Variants in DLGAP1 observed in about 807,000 individuals in gnomAD.
DLGAP1 encodes the protein disks large-associated protein 1.
Under a neutral mutation model 90.8 loss-of-function variants are expected in DLGAP1, and 11 were observed. The ratio of observed to expected loss-of-function variants is 0.12; its 90% CI spans 0.08 to 0.20. DLGAP1 has a LOEUF of 0.20. Ranked by LOEUF, DLGAP1 falls within the 10% of genes least tolerant of loss-of-function variation. The pLI is 1.00. For synonymous variants in DLGAP1, 558 were observed against 540.7 expected (o/e 1.03, Z -0.44); for missense variants, 1,050 against 1,333.8 (o/e 0.79, Z 3.31).
At chr18:4,254,386 G>GA (rs201387760) in intron 1 of DLGAP1, among the ~76,000 whole-genome samples, 10,660 of 152,254 alleles carry the variant, frequency 0.07, 555 homozygotes, top group African/African-American at 0.15. Flanking sequence ...AAGAAAGTAA[G>GA]TATCATGCTG....
chr18:3,570,406 G>GTAT (rs2054704682), intron 8 of DLGAP1, among the ~76,000 whole-genome samples: 1 of 151,564 alleles, frequency 6.6e-6, no homozygotes, highest in African/African-American at 2.4e-5. Context: ...AGCCTCCCAA[G>GTAT]TAGCTGGCAT....
At chr18:4,157,107 T>TGTCTGAGA (rs1382253834) in intron 1 of DLGAP1, among the ~76,000 whole-genome samples, 49 of 152,248 alleles carry the variant, frequency 3.2e-4, no homozygotes, top group African/African-American at 1.2e-3. Flanking sequence ...GGACATGTCT[T>TGTCTGAGA]GTCTGAGATC....
At chr18:4,208,523 C>A (rs2077769017) in intron 1 of DLGAP1, among the ~76,000 whole-genome samples, 2 of 152,010 alleles carry the variant, frequency 1.3e-5, no homozygotes, top group Admixed American at 1.3e-4. Context: ...TTCCATTATG[C>A]CAGTAACATA....
intron 1 of DLGAP1, among the ~76,000 whole-genome samples, chr18:4,198,244 G>A (rs373683329): frequency 1.3e-5 from 2 of 151,868 alleles, no homozygotes; most frequent in Non-Finnish European, 2.9e-5. Context: ...ATAAATAAAT[G>A]AAATAAATAA....
At chr18:4,180,400 A>G (rs1046899290) in intron 1 of DLGAP1, among the ~76,000 whole-genome samples, 1 of 152,100 alleles carries the variant, frequency 6.6e-6, no homozygotes, top group Non-Finnish European at 1.5e-5. Context: ...AAGACATTAC[A>G]CTTTCCCAAA....
At chr18:3,676,610 C>T (rs528149845) in intron 7 of DLGAP1, among the ~76,000 whole-genome samples, 1 of 152,200 alleles carries the variant, frequency 6.6e-6, no homozygotes, top group East Asian at 1.9e-4. Context: ...TTCTTTCACA[C>T]CTCTGCCTTA....
chr18:4,335,314 C>T (rs2143780742), intron 1 of DLGAP1, among the ~76,000 whole-genome samples: 1 of 152,000 alleles, frequency 6.6e-6, no homozygotes, highest in South Asian at 2.1e-4. Flanking sequence ...TGTTTTTTAC[C>T]TCCCTCCCAC....
intron 7 of DLGAP1, among the ~76,000 whole-genome samples, chr18:3,627,433 G>A (rs2058336479): frequency 7.1e-6 from 1 of 141,628 alleles, no homozygotes; most frequent in African/African-American, 2.7e-5. Flanking sequence ...AGTTCCATGA[G>A]ATAGAGGAAT....
At position 3,499,385 on chromosome 18, in the gene DLGAP1, C is replaced by T. The variant is rs953337342; in HGVS notation, c.2734G>A (p.Ala912Thr). The T allele has an allele frequency of 1.3e-6, 2 of 1,549,168 alleles. No individual in the cohort carries two copies. The highest frequency in any genetic ancestry group is 1.7e-4 in the Middle Eastern group (1 of 5,850). ...GGCTTCTTTGGCACTGGAGGAGGGG[C>T]CCTTCTCTCCTGATCAAAGCAGAAG... ...MDPLDKKERR[A>T]PPPVPKKPAK... The change falls in exon 13 of 13, where the codon GCC (alanine) becomes ACC (threonine). Residue 912 changes from alanine to threonine, a missense_variant. Physicochemically the swap from Ala to Thr is moderately conservative, Grantham distance 58. This residue lies in a region of DLGAP1 where 565 missense variants were observed against 879.7 expected (regional missense o/e 0.64). Transcript: ENST00000315677. This position sits in a 1 kb window ranked among gnomAD's most constrained non-coding sequence, Gnocchi z 6.4.
At chr18:3,720,986 G>A (rs2061960754) in intron 7 of DLGAP1, among the ~76,000 whole-genome samples, 1 of 151,178 alleles carries the variant, frequency 6.6e-6, no homozygotes, top group African/African-American at 2.4e-5. Context: ...AGCACAGGAT[G>A]TTGAGGCTGC....
chr18:3,690,570 C>T (rs927564150), intron 7 of DLGAP1, among the ~76,000 whole-genome samples: 2 of 151,964 alleles, frequency 1.3e-5, no homozygotes, highest in African/African-American at 4.8e-5. Flanking sequence ...CCTGCCAGAG[C>T]AATAAAGTGA....
At chr18:4,172,826 C>A (rs981211873) in intron 1 of DLGAP1, among the ~76,000 whole-genome samples, 11 of 152,200 alleles carry the variant, frequency 7.2e-5, no homozygotes, top group Non-Finnish European at 1.5e-4. Flanking sequence ...AAACTGTAAG[C>A]ATGAATGTAT....
At chr18:4,034,912 GAA>G (rs11337288) in intron 2 of DLGAP1, among the ~76,000 whole-genome samples, 21,180 of 143,880 alleles carry the variant, frequency 0.15, 1,858 homozygotes, top group Middle Eastern at 0.21. Context: ...ACCACCATTT[GAA>G]AAAAAAAAAA....
intron 3 of DLGAP1, among the ~76,000 whole-genome samples, chr18:3,961,818 G>C (rs2073203539): frequency 6.6e-6 from 1 of 152,226 alleles, no homozygotes. Flanking sequence ...GGGGCCTGCA[G>C]ACTCATCATG....
At position 4,178,202 on chromosome 18, in the gene DLGAP1, AACACACACAC is replaced by A. The variant is rs59444096; in HGVS notation, c.-266-26925_-266-26916del. On this transcript the variant is annotated intron_variant, in intron 1 of 12. Coordinates refer to ENST00000315677, the MANE Select transcript of DLGAP1 (RefSeq NM_004746.4). ...TAGAAATCCTACGGGTCCTGGAATAAACACACACACACACACACACACACACACACACACA... is the reference window on the plus strand; with the variant it reads ...TAGAAATCCTACGGGTCCTGGAATAAACACACACACACACACACACACACA... Among the ~76,000 whole-genome samples the A allele has an allele frequency of 3.5e-3, 413 of 118,470 alleles. 1 individual carries two copies. The highest frequency in any genetic ancestry group is 0.013 in the Middle Eastern group (3 of 230). The allele number at this position is 118,470 out of a possible 152,430, so 77.7% of individuals were successfully genotyped here. A position where few individuals can be genotyped will look rare whatever the true frequency, so the allele number is the denominator to read the frequency against.
intron 7 of DLGAP1, among the ~76,000 whole-genome samples, chr18:3,606,016 GA>G (rs1008016765): frequency 6.6e-6 from 1 of 150,520 alleles, no homozygotes; most frequent in African/African-American, 2.4e-5. Flanking sequence ...GGGACATTAA[GA>G]AAAAAAAAGG....
chr18:4,245,363 A>G (rs2078632564), intron 1 of DLGAP1, among the ~76,000 whole-genome samples: 1 of 152,258 alleles, frequency 6.6e-6, no homozygotes, highest in Non-Finnish European at 1.5e-5. Flanking sequence ...AAAATCTGCA[A>G]AAGACATATG....
intron 5 of DLGAP1, among the ~76,000 whole-genome samples, chr18:3,794,340 T>C (rs1191131112): frequency 2.0e-5 from 3 of 152,242 alleles, no homozygotes; most frequent in African/African-American, 7.2e-5. Flanking sequence ...TCAGTGCAGC[T>C]GACAGTGTGC....
intron 1 of DLGAP1, among the ~76,000 whole-genome samples, chr18:4,391,461 G>T (rs1186437322): frequency 2.6e-5 from 4 of 152,044 alleles, no homozygotes; most frequent in African/African-American, 9.7e-5. Flanking sequence ...TCACTCAGTG[G>T]TTATTTCTTT....
Sources: gnomAD v4.1 joint callset for allele counts (sites outside exome capture counted in the v4.1 genomes callset) on GRCh38, gnomAD v4.1.1 for gene constraint, gnomAD v4.1.1 regional missense constraint, Gnocchi (gnomAD v3.1) non-coding constraint, MANE v1.5 for transcripts, NCBI Gene and HGNC (gene_info 2026-07-23, HGNC 2026-07-21) for gene names.